MUC4: variants seen among roughly 807,000 people sequenced by gnomAD.
MUC4 encodes mucin 4, cell surface associated, also known as mucin-4.
In MUC4, 202 loss-of-function variants were observed where a neutral mutation model predicts 257.9. The observed-to-expected ratio is 0.78, with a 90% confidence interval of 0.70 to 0.88. The LOEUF (loss-of-function observed/expected upper bound fraction) is 0.88. Among genes scored for constraint, MUC4 ranks in the 40% least tolerant of loss-of-function variants. The pLI is 0.00. For missense variants in MUC4, 5,976 were observed against 6,513.7 expected (o/e 0.92, Z 2.84); for synonymous variants, 2,351 against 2,757.1 (o/e 0.85, Z 4.62).
At chr3:195,802,112 T>A (rs1357879072) in intron 1 of MUC4, among the ~76,000 whole-genome samples, 9 of 152,220 alleles carry the variant, frequency 5.9e-5, no homozygotes. Flanking sequence ...GCCTAGCTCA[T>A]GCAATGCAAC....
At position 195,761,594 on chromosome 3, in the gene MUC4, C is replaced by T. The variant is rs1718917654; in HGVS notation, c.14513-9G>A. Reference sequence around the variant, plus strand: ...ATTGTTATTCCAGACCCCTGAGGGACAGAGTGGGAGGTTGGCCACCCTGGG... The same window carrying T: ...ATTGTTATTCCAGACCCCTGAGGGATAGAGTGGGAGGTTGGCCACCCTGGG... On this transcript the variant is annotated splice_polypyrimidine_tract_variant and intron_variant, in intron 14 of 24. Transcript: ENST00000463781. 1 of 1,611,148 alleles carries T rather than the reference C, an allele frequency of 6.2e-7. No homozygotes were observed.
At chr3:195,764,643 C>T (rs917427662) in intron 10 of MUC4, among the ~76,000 whole-genome samples, 15 of 152,008 alleles carry the variant, frequency 9.9e-5, no homozygotes, top group African/African-American at 3.4e-4. Context: ...CTGCGCTCTC[C>T]AGCTCCCTTG....
rs1223915302 is a variant in MUC4, at chr3:195,757,362, G to A, written c.14987-34C>T. 3 of 1,566,332 alleles carry A rather than the reference G, an allele frequency of 1.9e-6. No individual in the cohort carries two copies. The highest frequency in any genetic ancestry group is 3.4e-5 in the Admixed American group (2 of 58,716). On this transcript the variant is annotated intron_variant, in intron 17 of 24. Transcript: ENST00000463781. This position sits in a 1 kb window ranked among gnomAD's most constrained non-coding sequence, Gnocchi z 4.8. ...GGGAAGATGAGAATGTTGAGAGCTG[G>A]GAGACTCCTCGGCTCTGTGGTCTGA...
At chr3:195,769,320 T>C in intron 6 of MUC4, 168 bp from the exon 7 acceptor site, 3 of 989,634 alleles carry the variant, frequency 3.0e-6, no homozygotes, top group South Asian at 1.8e-5. Flanking sequence ...TTTGGGTCAG[T>C]GAGGGCAGCT....
At position 195,779,669 on chromosome 3, in the gene MUC4, C is replaced by G. The variant is rs1269489956; in HGVS notation, c.11911G>C (p.Val3971Leu). The G allele has an allele frequency of 1.6e-4, 145 of 898,202 alleles. No individual in the cohort carries two copies. The East Asian group carries it at 2.2e-3, about 13-fold the overall frequency. 55.6% of individuals were successfully genotyped at this position (898,202 alleles called of 1,614,324 possible). Residue 3971 changes from valine to leucine, a missense_variant, in exon 2 of 25, where the codon GTC becomes CTC. Transcript: ENST00000463781. ...GTGGATGCTGAGGAACGGCTGGTGA[C>G]AGGAAGAGAGGTGGCGTGACCTGTG... ...VSTGHATSLP[V>L]TSRSSASTGH...
intron 1 of MUC4, among the ~76,000 whole-genome samples, chr3:195,797,770 C>T (rs1734741703): frequency 6.6e-6 from 1 of 152,106 alleles, no homozygotes; most frequent in South Asian, 2.1e-4. Context: ...CAAACATATA[C>T]ATTATTAGCA....
chr3:195,787,868 G>A lies in MUC4; in HGVS notation c.3712C>T (p.Pro1238Ser). 2.1e-6 allele frequency: 1 copy of A among 471,938 alleles called. No homozygotes were observed. Among genetic ancestry groups the A allele is most frequent in the East Asian group, 3.5e-5 (1 of 28,952 alleles). 29.2% of individuals were successfully genotyped at this position (471,938 alleles called of 1,614,324 possible). ...GTGTGACCTGTGGATGCTGCGGAAGGGATGGTTACAGGAAGAGAGGTGGCG... is the reference window on the plus strand; with the variant it reads ...GTGTGACCTGTGGATGCTGCGGAAGAGATGGTTACAGGAAGAGAGGTGGCG... ...DHATSLPVTI[P>S]SAASTGHTTP... The change falls in exon 2 of 25, where the codon CCT (proline) becomes TCT (serine). Residue 1238 changes from proline (P) to serine (S), a missense_variant. Physicochemically the swap from Pro to Ser is moderately conservative, Grantham distance 74. Around this residue, in one of 44 missense-constraint regions of MUC4, gnomAD observed 90 missense variants for 106.2 expected, o/e 0.85. Transcript: ENST00000463781.
chr3:195,746,927 A>C lies in MUC4; in HGVS notation c.*249T>G. On this transcript the variant is annotated 3_prime_UTR_variant, in exon 25 of 25. Transcript: ENST00000463781. Reference sequence around the variant, plus strand: ...GTGTGCACGCGCGCGTGCACAGGCTAGTGTCCTTCTGTGGGTGTGTCTGCG... The same window carrying C: ...GTGTGCACGCGCGCGTGCACAGGCTCGTGTCCTTCTGTGGGTGTGTCTGCG... The C allele has an allele frequency of 1.7e-6, 1 of 605,002 alleles. No individual in the cohort carries two copies. The highest frequency in any genetic ancestry group is 2.9e-6 in the Non-Finnish European group (1 of 343,394). 37.5% of individuals were successfully genotyped at this position (605,002 alleles called of 1,614,324 possible).
At position 195,746,832 on chromosome 3, in the gene MUC4, T is replaced by G; in HGVS notation, c.*344A>C. On this transcript the variant is annotated 3_prime_UTR_variant, in exon 25 of 25. Transcript: ENST00000463781. The stretch of plus-strand genomic sequence containing the variant: ...GTTAATTTGAAGTAAACCAGAGAGT[T>G]TTGTGTGCAGAAGCATTTTGCTTAA... 2.8e-6 allele frequency: 1 copy of G among 361,278 alleles called. No homozygotes were observed. Among genetic ancestry groups the G allele is most frequent in the Non-Finnish European group, 5.0e-6 (1 of 200,076 alleles). The allele number at this position is 361,278 out of a possible 1,614,324, so 22.4% of individuals were successfully genotyped here.
Position 195,752,516 on chromosome 3 carries a change from G to T in MUC4, c.15509-70C>A, listed in dbSNP as rs57320140. ...CAGACTTACCCAAAAAGTCTGTCGGGCCAGCCCAAGTTGACTGCTCCATTC... is the reference window on the plus strand; with the variant it reads ...CAGACTTACCCAAAAAGTCTGTCGGTCCAGCCCAAGTTGACTGCTCCATTC... On this transcript the variant is annotated intron_variant, in intron 20 of 24. Coordinates refer to ENST00000463781, the MANE Select transcript of MUC4 (RefSeq NM_018406.7). 13,897 of 1,389,272 alleles carry T rather than the reference G, an allele frequency of 0.01. 1,017 individuals are homozygous for T. In the African/African-American group the frequency reaches 0.18, roughly 18 times the overall value. The allele number at this position is 1,389,272 out of a possible 1,614,324, so 86.1% of individuals were successfully genotyped here. A position where few individuals can be genotyped will look rare whatever the true frequency, so the allele number is the denominator to read the frequency against.
At chr3:195,805,818 C>G (rs912932565) in intron 1 of MUC4, among the ~76,000 whole-genome samples, 14 of 151,858 alleles carry the variant, frequency 9.2e-5, no homozygotes, top group African/African-American at 3.1e-4. Context: ...TTCAATTACT[C>G]AAAATCCATA....
chr3:195,766,441 C>T (rs1012852007), intron 8 of MUC4, among the ~76,000 whole-genome samples: 14 of 152,040 alleles, frequency 9.2e-5, no homozygotes, highest in African/African-American at 2.9e-4. Context: ...AGATGTAGCC[C>T]CCTCTGAGAC....
chr3:195,752,200 G>A (rs916123635), intron 21 of MUC4, 173 bp downstream of exon 21: 3 of 637,666 alleles, frequency 4.7e-6, no homozygotes, highest in Non-Finnish European at 8.2e-6. Context: ...TTCTGTCTTG[G>A]GCCTTCCTCA....
Position 195,788,745 on chromosome 3 carries a change from A to C in MUC4, c.2835T>G (p.Thr945=), listed in dbSNP as rs763517699. The C allele has an allele frequency of 3.7e-6, 6 of 1,613,726 alleles. No individual in the cohort carries two copies. Among genetic ancestry groups the C allele is most frequent in the Non-Finnish European group, 5.1e-6 (6 of 1,179,784 alleles). ...TCTCGGTTTGTGGAGATGTAAGCCCAGTGGATGTGATCGATGGAGGTGTGG... is the reference window on the plus strand; with the variant it reads ...TCTCGGTTTGTGGAGATGTAAGCCCCGTGGATGTGATCGATGGAGGTGTGG... ...VPPTPPSITS[T]GLTSPQTETH... is the part of the protein sequence containing the mutation. The change falls in exon 2 of 25, where the codon ACT becomes ACG. Residue 945 remains threonine (T), a synonymous_variant. Coordinates refer to ENST00000463781, the MANE Select transcript of MUC4 (RefSeq NM_018406.7).
At chr3:195,767,835 C>CCACCACCACCATCGCCACCAT (rs1721729540) in intron 7 of MUC4, among the ~76,000 whole-genome samples, 1 of 114,772 alleles carries the variant, frequency 8.7e-6, no homozygotes, top group Non-Finnish European at 2.0e-5. Flanking sequence ...ACCACCATCA[C>CCACCACCACCATCGCCACCAT]CACCACCACC....
chr3:195,761,790 C>G (rs1718979251), intron 14 of MUC4, among the ~76,000 whole-genome samples: 1 of 152,054 alleles, frequency 6.6e-6, no homozygotes, highest in Admixed American at 6.5e-5. Flanking sequence ...ACGCGGGCAG[C>G]GGTGGAGGAG....
In MUC4 at chr3:195,783,985, G is replaced by T; in HGVS notation, c.7595C>A (p.Thr2532Asn). ...ACGTGTGGATAATGAGGAAGCATTGGTGACAGGAAGAGGGGTGGTGTCACC... is the reference window on the plus strand; with the variant it reads ...ACGTGTGGATAATGAGGAAGCATTGTTGACAGGAAGAGGGGTGGTGTCACC... ...STGDTTPLPV[T>N]NASSLSTRHA... The change falls in exon 2 of 25, where the codon ACC (threonine) becomes AAC (asparagine). Residue 2532 changes from threonine to asparagine, a missense_variant. Transcript: ENST00000463781. The T allele has an allele frequency of 6.5e-7, 1 of 1,536,006 alleles. No homozygotes were observed. The highest frequency in any genetic ancestry group is 1.2e-5 in the South Asian group (1 of 83,632).
intron 1 of MUC4, among the ~76,000 whole-genome samples, chr3:195,800,271 C>G (rs1181021619): frequency 6.6e-6 from 1 of 150,820 alleles, no homozygotes; most frequent in Non-Finnish European, 1.5e-5. Context: ...GAGCGGGACT[C>G]CATCTCAAAA....
rs1397470456 is a variant in MUC4, at chr3:195,790,068, T to C, written c.1512A>G (p.Glu504=). Residue 504 remains glutamate (E), a synonymous_variant, in exon 2 of 25, where the codon GAA becomes GAG. Coordinates refer to ENST00000463781, the MANE Select transcript of MUC4 (RefSeq NM_018406.7). Reference sequence around the variant, plus strand: ...CAGCACCTGTTGATGTTGAGGGCAGTTCTGTTTGTGACCAAGTTGTGTGGC... The same window carrying C: ...CAGCACCTGTTGATGTTGAGGGCAGCTCTGTTTGTGACCAAGTTGTGTGGC... ...SKGHTTWSQT[E]LPSTSTGAAT... 4 of 1,613,944 alleles carry C rather than the reference T, an allele frequency of 2.5e-6. No individual in the cohort carries two copies. Among genetic ancestry groups the C allele is most frequent in the African/African-American group, 2.7e-5 (2 of 74,942 alleles).
Sources: allele counts gnomAD v4.1 joint callset (sites outside exome capture counted in the v4.1 genomes callset), GRCh38; gene constraint gnomAD v4.1.1; regional missense constraint gnomAD v4.1.1; non-coding constraint Gnocchi (gnomAD v3.1); transcripts MANE v1.5; gene names NCBI Gene and HGNC (gene_info 2026-07-23, HGNC 2026-07-21).